The following ABCA1 variants were observed in gnomAD, a reference collection of about 807,000 sequenced individuals.
ABCA1 encodes phospholipid-transporting ATPase ABCA1.
In ABCA1, 133 loss-of-function variants were observed where a neutral mutation model predicts 262.5. That is an observed-to-expected ratio of 0.51 (90% CI 0.44 to 0.59). The LOEUF (loss-of-function observed/expected upper bound fraction) is 0.59. Ranked by LOEUF, ABCA1 falls within the 20% of genes least tolerant of loss-of-function variation. The pLI, the probability that ABCA1 is intolerant of heterozygous loss-of-function variation, is 0.00. For missense variants in ABCA1, 2,452 were observed against 2,777.5 expected (o/e 0.88, Z 2.63); for synonymous variants, 1,022 against 1,043.5 (o/e 0.98, Z 0.40).
Position 104,818,146 on chromosome 9 carries a change from A to C in ABCA1, c.3462+517T>G, listed in dbSNP as rs2472371. Among the ~76,000 whole-genome samples the C allele has an allele frequency of 9.8e-3, 1,462 of 148,952 alleles. 11 individuals are homozygous for C. Among genetic ancestry groups the C allele is most frequent in the Non-Finnish European group, 0.016 (1,059 of 66,888 alleles). On this transcript the variant is annotated intron_variant, in intron 23 of 49. Coordinates refer to ENST00000374736, the MANE Select transcript of ABCA1 (RefSeq NM_005502.4). ...TACCTTCTTCCCAGGGTCTCTCTGC[A>C]CTTTAATTGAGATGATAGAGGTTAA...
chr9:104,815,726 A>G (rs946853729), intron 25 of ABCA1, among the ~76,000 whole-genome samples: 8 of 152,350 alleles, frequency 5.3e-5, no homozygotes, highest in African/African-American at 1.9e-4. Flanking sequence ...GTCACACCAG[A>G]GAATTGCTCC....
intron 43 of ABCA1, 150 bp from the exon 44 acceptor site, chr9:104,791,178 A>G (rs1030903872): frequency 1.7e-6 from 1 of 597,860 alleles, no homozygotes; most frequent in African/African-American, 1.9e-5. Context: ...AGATATTTAA[A>G]TATGTATTTC....
At chr9:104,904,421 A>T (rs1840931919) in intron 1 of ABCA1, among the ~76,000 whole-genome samples, 1 of 152,084 alleles carries the variant, frequency 6.6e-6, no homozygotes, top group Admixed American at 6.5e-5. Context: ...TACAAAAATT[A>T]GCTGGGCATG....
In ABCA1 at chr9:104,806,404, TC is replaced by T; in HGVS notation, c.4300del (p.Glu1434LysfsTer67). The T allele has an allele frequency of 6.2e-7, 1 of 1,614,022 alleles. No individual in the cohort carries two copies. Among genetic ancestry groups the T allele is most frequent in the Non-Finnish European group, 8.5e-7 (1 of 1,180,004 alleles). ...IPDTPCQAGE[E>X]EWTTAPVPQT... ...GGGAACTGGGGCAGTGGTCCACTCT[TC>T]CTCCCCTGCCTGGCAGGGCGTGTCT... is the stretch of plus-strand genomic sequence containing the variant. On this transcript the variant is annotated frameshift_variant, in exon 31 of 50. Coordinates refer to ENST00000374736, the MANE Select transcript of ABCA1 (RefSeq NM_005502.4). LOFTEE classifies it high-confidence loss of function.
intron 28 of ABCA1, among the ~76,000 whole-genome samples, chr9:104,811,820 A>G (rs1391590566): frequency 6.6e-6 from 1 of 152,224 alleles, no homozygotes; most frequent in Non-Finnish European, 1.5e-5. Flanking sequence ...ACTGAGGATC[A>G]GAGAGACTAA....
intron 7 of ABCA1, among the ~76,000 whole-genome samples, chr9:104,850,717 C>T (rs1039669660): frequency 3.9e-5 from 6 of 152,174 alleles, no homozygotes; most frequent in African/African-American, 1.2e-4. Context: ...GCTTACTTGA[C>T]GAAGGCAGAC....
In ABCA1 at chr9:104,831,041, GC is replaced by G. The variant is rs766144819; in HGVS notation, c.1775del (p.Gly592AlafsTer17). On this transcript the variant is annotated frameshift_variant, in exon 14 of 50. Transcript: ENST00000374736. LOFTEE classifies it high-confidence loss of function. ...CCACCACATCCTGCAAGTAGGCGAA[GC>G]CCCCCCAGACGTACCGCATGTCCTC... is the stretch of plus-strand genomic sequence containing the variant. The part of the protein sequence containing the change: ...PFEDMRYVWG[G>X]FAYLQDVVEQ... The G allele has an allele frequency of 3.7e-6, 6 of 1,612,730 alleles. No individual in the cohort carries two copies. The highest frequency in any genetic ancestry group is 4.2e-6 in the Non-Finnish European group (5 of 1,179,830).
rs931517148 is a variant in ABCA1 at position 104,878,976 on chromosome 9, C to T, written c.421+4063G>A. ...ATATAGGCCTGAGTGGTAGTGTCTACAGAATCAAGAATCACTTGAACCCAG... is the reference window on the plus strand; with the variant it reads ...ATATAGGCCTGAGTGGTAGTGTCTATAGAATCAAGAATCACTTGAACCCAG... On this transcript the variant is annotated intron_variant, in intron 5 of 49. Coordinates refer to ENST00000374736, the MANE Select transcript of ABCA1 (RefSeq NM_005502.4). Among the ~76,000 whole-genome samples the T allele has an allele frequency of 3.3e-5, 5 of 151,520 alleles. No homozygotes were observed. In the South Asian group the frequency reaches 6.3e-4, roughly 19 times the overall value.
chr9:104,835,435 A>C (rs868565211), intron 11 of ABCA1, among the ~76,000 whole-genome samples: 1 of 151,950 alleles, frequency 6.6e-6, no homozygotes, highest in African/African-American at 2.4e-5. Flanking sequence ...CTAGAAATCG[A>C]GACTCACTTT....
chr9:104,836,205 C>T (rs1044052479), intron 11 of ABCA1, among the ~76,000 whole-genome samples: 2 of 152,192 alleles, frequency 1.3e-5, no homozygotes, highest in Non-Finnish European at 2.9e-5. Flanking sequence ...CGGAAGTGTT[C>T]CCCCTAGGTA....
intron 1 of ABCA1, among the ~76,000 whole-genome samples, chr9:104,926,074 T>C (rs1034648949): frequency 7.2e-5 from 11 of 152,068 alleles, no homozygotes; most frequent in Non-Finnish European, 1.2e-4. Flanking sequence ...GGGAAATTTT[T>C]GTGAGGTTCT....
At chr9:104,819,817 G>A in intron 21 of ABCA1, 94 bp from the exon 22 acceptor site, 1 of 1,610,702 alleles carries the variant, frequency 6.2e-7, no homozygotes, top group Non-Finnish European at 8.5e-7. Context: ...ACAAGTTTCT[G>A]TTACCAACCG....
In ABCA1 at chr9:104,850,654, C is replaced by T. The variant is rs573818235; in HGVS notation, c.721-5085G>A. On this transcript the variant is annotated intron_variant, in intron 7 of 49. Transcript: ENST00000374736. ...TGCCTTGAAACTAGAACACAAAATA[C>T]GGTCTGAGAATCATGTGTCTGCACC... is the stretch of plus-strand genomic sequence containing the variant. Among the ~76,000 whole-genome samples the T allele has an allele frequency of 7.9e-5, 12 of 152,278 alleles. No individual in the cohort carries two copies. The South Asian group carries it at 2.5e-3, about 32-fold the overall frequency.
intron 6 of ABCA1, among the ~76,000 whole-genome samples, chr9:104,859,999 A>G (rs1351791872): frequency 6.7e-6 from 1 of 148,704 alleles, no homozygotes; most frequent in African/African-American, 2.5e-5. Flanking sequence ...GGTTGTAGTG[A>G]GCTGAGATCA....
intron 1 of ABCA1, among the ~76,000 whole-genome samples, chr9:104,915,665 A>G (rs1252475436): frequency 6.7e-6 from 1 of 149,680 alleles, no homozygotes; most frequent in Non-Finnish European, 1.5e-5. Flanking sequence ...TCACAAATCA[A>G]ACATTCTGTG....
intron 2 of ABCA1, chr9:104,889,415 G>A (rs1279741316): frequency 5.1e-6 from 5 of 973,676 alleles, no homozygotes; most frequent in Non-Finnish European, 6.1e-6. Flanking sequence ...AAGGGAAGAT[G>A]CTTCCTATCG....
chr9:104,816,019 A>T, intron 25 of ABCA1, 124 bp downstream of exon 25: 1 of 1,055,948 alleles, frequency 9.5e-7, no homozygotes, highest in Non-Finnish European at 1.5e-6. Context: ...CATTAATCAG[A>T]TGTCGATGAC....
At chr9:104,889,078 C>A in intron 3 of ABCA1, 24 bp downstream of exon 3, 1 of 1,603,202 alleles carries the variant, frequency 6.2e-7, no homozygotes. Context: ...TGGTGAGTCT[C>A]AGGCAACATC....
chr9:104,911,686 C>T (rs1054222596), intron 1 of ABCA1, among the ~76,000 whole-genome samples: 5 of 152,170 alleles, frequency 3.3e-5, no homozygotes, highest in African/African-American at 1.2e-4. Flanking sequence ...ACTCCTGAAA[C>T]ATTCCATAAA....
Sources: allele counts gnomAD v4.1 joint callset (sites outside exome capture counted in the v4.1 genomes callset), GRCh38; gene constraint gnomAD v4.1.1; transcripts MANE v1.5; gene names NCBI Gene and HGNC (gene_info 2026-07-23, HGNC 2026-07-21).